TRPC6: variants seen among roughly 807,000 people sequenced by gnomAD.
The protein encoded by TRPC6 is transient receptor potential cation channel subfamily C member 6.
TRPC6 carries 55 observed loss-of-function variants against 90.7 expected under a neutral mutation model. That is an observed-to-expected ratio of 0.61 (90% confidence interval 0.49 to 0.76). The LOEUF (loss-of-function observed/expected upper bound fraction) is 0.76. TRPC6 is among the 30% of genes least tolerant of loss of function. TRPC6 has a pLI of 0.00. For synonymous variants in TRPC6, 393 were observed against 393.0 expected (o/e 1.00, Z 0.00); for missense variants, 989 against 1,122.7 (o/e 0.88, Z 1.70).
chr11:101,528,830 T>G (rs545979112), intron 1 of TRPC6, among the ~76,000 whole-genome samples: 7 of 152,280 alleles, frequency 4.6e-5, no homozygotes, highest in Admixed American at 4.6e-4. Flanking sequence ...AAGGCTAAGT[T>G]GACTTAAGAA....
intron 10 of TRPC6, among the ~76,000 whole-genome samples, chr11:101,459,757 T>G (rs1461747470): frequency 6.6e-6 from 1 of 152,214 alleles, no homozygotes; most frequent in East Asian, 1.9e-4. Flanking sequence ...GATGAGTATT[T>G]TCTTACTGGA....
intron 2 of TRPC6, among the ~76,000 whole-genome samples, chr11:101,502,744 G>A (rs1396108824): frequency 1.3e-5 from 2 of 152,270 alleles, no homozygotes; most frequent in East Asian, 3.9e-4. Context: ...TGGAGGAAAA[G>A]CACCTTCCTC....
At chr11:101,549,449 T>C (rs982660350) in intron 1 of TRPC6, among the ~76,000 whole-genome samples, 1 of 151,188 alleles carries the variant, frequency 6.6e-6, no homozygotes, top group African/African-American at 2.4e-5. Context: ...TCCAAGAAAA[T>C]AGCAAAAAGG....
At chr11:101,566,483 G>A (rs1373688953) in intron 1 of TRPC6, among the ~76,000 whole-genome samples, 1 of 152,052 alleles carries the variant, frequency 6.6e-6, no homozygotes, top group Admixed American at 6.5e-5. Flanking sequence ...AAGAAAAAAT[G>A]TTTATTTACA....
At chr11:101,566,581 A>G (rs1481109448) in intron 1 of TRPC6, among the ~76,000 whole-genome samples, 1 of 152,186 alleles carries the variant, frequency 6.6e-6, no homozygotes, top group East Asian at 1.9e-4. Flanking sequence ...TTACTCATCA[A>G]GGTTGCTGGC....
chr11:101,513,674 C>G (rs552710573), intron 1 of TRPC6, among the ~76,000 whole-genome samples: 2 of 152,148 alleles, frequency 1.3e-5, no homozygotes, highest in East Asian at 3.9e-4. Flanking sequence ...TTTAAGCTGT[C>G]AAGAAAGACA....
chr11:101,468,812 G>A (rs7940955), intron 10 of TRPC6, among the ~76,000 whole-genome samples: 88 of 152,094 alleles, frequency 5.8e-4, no homozygotes, highest in African/African-American at 2.1e-3. Flanking sequence ...TTGGATGCAG[G>A]TCTTACCTGA....
At chr11:101,574,150 C>T (rs1377610244) in intron 1 of TRPC6, among the ~76,000 whole-genome samples, 1 of 151,030 alleles carries the variant, frequency 6.6e-6, no homozygotes, top group East Asian at 1.9e-4. Flanking sequence ...AATCCTTCAT[C>T]ACCAATGTCC....
At chr11:101,581,014 A>C (rs1476946596) in intron 1 of TRPC6, among the ~76,000 whole-genome samples, 1 of 152,234 alleles carries the variant, frequency 6.6e-6, no homozygotes, top group Non-Finnish European at 1.5e-5. Flanking sequence ...AAATCTTGTC[A>C]GAGAAAACAG....
chr11:101,558,460 T>TAC (rs71056630), intron 1 of TRPC6, among the ~76,000 whole-genome samples: 682 of 50,480 alleles, frequency 0.014, 131 homozygotes, highest in African/African-American at 0.05. Flanking sequence ...CACGCACACA[T>TAC]ACACACACAC....
intron 2 of TRPC6, among the ~76,000 whole-genome samples, chr11:101,500,200 T>C (rs2136729944): frequency 7.6e-6 from 1 of 132,312 alleles, no homozygotes; most frequent in East Asian, 2.0e-4. Flanking sequence ...TCAAAATGTG[T>C]ATTTTTTTTC....
intron 1 of TRPC6, among the ~76,000 whole-genome samples, chr11:101,545,361 C>T (rs1416952293): frequency 6.6e-6 from 1 of 151,980 alleles, no homozygotes; most frequent in African/African-American, 2.4e-5. Flanking sequence ...GAAAATACTA[C>T]CCCATTTTAT....
intron 1 of TRPC6, among the ~76,000 whole-genome samples, chr11:101,538,967 A>G (rs1051682721): frequency 5.9e-5 from 9 of 152,270 alleles, no homozygotes; most frequent in Admixed American, 2.0e-4. Context: ...GACAGCTGAT[A>G]CCTTGGTTTG....
At chr11:101,564,036 G>A (rs1244808403) in intron 1 of TRPC6, among the ~76,000 whole-genome samples, 2 of 149,796 alleles carry the variant, frequency 1.3e-5, no homozygotes. Flanking sequence ...CACCTCCCCA[G>A]TAAAGAATCC....
intron 1 of TRPC6, among the ~76,000 whole-genome samples, chr11:101,523,666 C>A (rs572932070): frequency 5.9e-5 from 9 of 152,140 alleles, no homozygotes; most frequent in Non-Finnish European, 1.2e-4. Context: ...TTCACAGATA[C>A]TTATTGTTAG....
intron 10 of TRPC6, among the ~76,000 whole-genome samples, chr11:101,467,233 A>AT (rs1168143189): frequency 1.3e-5 from 2 of 152,112 alleles, no homozygotes; most frequent in African/African-American, 4.8e-5. Flanking sequence ...AGATATGCCC[A>AT]TTTATGATTT....
At chr11:101,552,351 A>G (rs554002276) in intron 1 of TRPC6, among the ~76,000 whole-genome samples, 130 of 152,210 alleles carry the variant, frequency 8.5e-4, no homozygotes, top group African/African-American at 3.0e-3. Flanking sequence ...ACATAATAAC[A>G]AAGCCACATG....
At chr11:101,456,151 A>C (rs958978942) in intron 10 of TRPC6, among the ~76,000 whole-genome samples, 8 of 152,168 alleles carry the variant, frequency 5.3e-5, no homozygotes, top group African/African-American at 1.9e-4. Flanking sequence ...TTAACCAAAG[A>C]GAGGCAGTTT....
intron 1 of TRPC6, among the ~76,000 whole-genome samples, chr11:101,567,365 C>G (rs1861860347): frequency 6.6e-6 from 1 of 150,982 alleles, no homozygotes; most frequent in Non-Finnish European, 1.5e-5. Flanking sequence ...AAAGCAGCAG[C>G]CCTAGTCAGG....
Sources: allele counts gnomAD v4.1 joint callset (sites outside exome capture counted in the v4.1 genomes callset), GRCh38; gene constraint gnomAD v4.1.1; transcripts MANE v1.5; gene names NCBI Gene and HGNC (gene_info 2026-07-23, HGNC 2026-07-21).